Variants in NTRK3 observed in about 807,000 individuals in gnomAD.
NTRK3 encodes neurotrophic receptor tyrosine kinase 3.
NTRK3 carries 24 observed loss-of-function variants against 91.7 expected under a neutral mutation model. The ratio of observed to expected loss-of-function variants is 0.26; its 90% CI spans 0.19 to 0.37. The LOEUF (loss-of-function observed/expected upper bound fraction) is 0.37. Ranked by LOEUF, NTRK3 falls within the 10% of genes least tolerant of loss-of-function variation. The pLI is 1.00. For missense variants in NTRK3, 880 were observed against 1,068.9 expected (o/e 0.82, Z 2.46); for synonymous variants, 483 against 404.0 (o/e 1.20, Z -2.34).
exon 19 of NTRK3, chr15:87,865,613 T>A: frequency 4.6e-6 from 1 of 217,818 alleles, no homozygotes; most frequent in Non-Finnish European, 9.2e-6. Flanking sequence ...GAAAAATTAG[T>A]TATACCACCA....
intron 14 of NTRK3, among the ~76,000 whole-genome samples, chr15:87,947,917 A>C (rs532345382): frequency 5.8e-4 from 88 of 152,230 alleles, no homozygotes; most frequent in African/African-American, 1.9e-3. Flanking sequence ...AGGAGGGAGA[A>C]AGAGGGCCAG....
At chr15:88,231,937 A>T (rs1156406866) in intron 3 of NTRK3, among the ~76,000 whole-genome samples, 1 of 152,068 alleles carries the variant, frequency 6.6e-6, no homozygotes, top group African/African-American at 2.4e-5. Flanking sequence ...TTTTTGAGCC[A>T]TTTGAACTTT....
chr15:87,984,635 T>C (rs1024251324), intron 14 of NTRK3, among the ~76,000 whole-genome samples: 1 of 152,240 alleles, frequency 6.6e-6, no homozygotes. Flanking sequence ...TATGGCCTTA[T>C]GATGTGCCTT....
chr15:88,222,794 T>C (rs745469232), intron 3 of NTRK3, among the ~76,000 whole-genome samples: 3 of 152,188 alleles, frequency 2.0e-5, no homozygotes, highest in Non-Finnish European at 2.9e-5. Context: ...CTTGGAATTC[T>C]CACAATCACC....
chr15:87,895,814 A>G (rs150108754), intron 17 of NTRK3, among the ~76,000 whole-genome samples: 2 of 149,298 alleles, frequency 1.3e-5, no homozygotes, highest in East Asian at 3.9e-4. Context: ...TTATTTATTT[A>G]TTTATTTATT....
chr15:87,952,300 C>A (rs182389469), intron 14 of NTRK3, among the ~76,000 whole-genome samples: 1 of 152,150 alleles, frequency 6.6e-6, no homozygotes, highest in Non-Finnish European at 1.5e-5. Context: ...AAAGACTCCT[C>A]TTTCCTCTTC....
intron 13 of NTRK3, among the ~76,000 whole-genome samples, chr15:88,095,743 G>C (rs370323543): frequency 1.3e-5 from 2 of 152,272 alleles, no homozygotes; most frequent in East Asian, 1.9e-4. Flanking sequence ...GATGAGGTAG[G>C]GCGTAAAGGT....
intron 14 of NTRK3, among the ~76,000 whole-genome samples, chr15:88,024,278 G>A (rs1234153313): frequency 1.3e-5 from 2 of 152,214 alleles, no homozygotes; most frequent in South Asian, 2.1e-4. Context: ...TTGCCTTGTG[G>A]GCTGATATGT....
At chr15:88,146,113 C>T (rs143156585) in intron 6 of NTRK3, among the ~76,000 whole-genome samples, 121 of 152,262 alleles carry the variant, frequency 7.9e-4, no homozygotes, top group African/African-American at 2.8e-3. Context: ...TGGCACAATG[C>T]CTGGCACAGA....
chr15:88,077,661 A>G (rs2047671613), intron 13 of NTRK3, among the ~76,000 whole-genome samples: 1 of 152,160 alleles, frequency 6.6e-6, no homozygotes, highest in African/African-American at 2.4e-5. Context: ...CAGTAGGGGT[A>G]CTCAACAAAT....
chr15:87,953,826 A>G (rs1410434148), intron 14 of NTRK3, among the ~76,000 whole-genome samples: 3 of 152,024 alleles, frequency 2.0e-5, no homozygotes, highest in African/African-American at 7.2e-5. Flanking sequence ...ACATCTACAC[A>G]TTGTCTGCAG....
intron 13 of NTRK3, among the ~76,000 whole-genome samples, chr15:88,041,657 G>A (rs545369509): frequency 6.6e-5 from 10 of 152,248 alleles, no homozygotes; most frequent in East Asian, 1.9e-4. Context: ...AACACCTGGC[G>A]CAGCCATGGT....
rs1046077541 is a variant in NTRK3, at chr15:88,141,262, A to T, written c.465-3701T>A. Among the ~76,000 whole-genome samples, 6 of 152,318 alleles carry T rather than the reference A, an allele frequency of 3.9e-5. No homozygotes were observed. The South Asian group carries it at 6.2e-4, about 16-fold the overall frequency. ...AGGTAGACAGGAAAAAATGAGACGA[A>T]CATAATAGACATTATAGGATCATAA... On this transcript the variant is annotated intron_variant, in intron 6 of 18. Coordinates refer to ENST00000394480, the Ensembl canonical transcript of NTRK3.
At chr15:88,043,994 C>T (rs1460643856) in intron 13 of NTRK3, among the ~76,000 whole-genome samples, 1 of 152,020 alleles carries the variant, frequency 6.6e-6, no homozygotes, top group East Asian at 1.9e-4. Context: ...ATATTGTCAC[C>T]CCCAGAAAAG....
At chr15:87,937,052 C>A (rs1200935639) in intron 15 of NTRK3, among the ~76,000 whole-genome samples, 3 of 152,226 alleles carry the variant, frequency 2.0e-5, no homozygotes, top group Non-Finnish European at 4.4e-5. Flanking sequence ...TGCCCCAGGG[C>A]CTTTGCTCCT....
At chr15:88,017,799 A>C (rs1228879731) in intron 14 of NTRK3, among the ~76,000 whole-genome samples, 2 of 152,196 alleles carry the variant, frequency 1.3e-5, no homozygotes, top group Non-Finnish European at 2.9e-5. Context: ...ACAAATCCCC[A>C]CAAATCCCCA....
chr15:88,178,544 C>T (rs1327372833), intron 5 of NTRK3, among the ~76,000 whole-genome samples: 2 of 152,166 alleles, frequency 1.3e-5, no homozygotes, highest in Non-Finnish European at 2.9e-5. Context: ...TGCACGTTTG[C>T]TTCCAAAAGG....
chr15:88,061,952 T>C (rs1183215363), intron 13 of NTRK3, among the ~76,000 whole-genome samples: 1 of 152,186 alleles, frequency 6.6e-6, no homozygotes, highest in East Asian at 1.9e-4. Context: ...GGGTTCCACA[T>C]CTGCAGATTC....
chr15:87,961,418 A>T (rs1397964888), intron 14 of NTRK3, among the ~76,000 whole-genome samples: 1 of 152,170 alleles, frequency 6.6e-6, no homozygotes, highest in Non-Finnish European at 1.5e-5. Flanking sequence ...ATCTGGAGAC[A>T]CTCCTTCTAG....
Sources: gnomAD v4.1 joint callset for allele counts (sites outside exome capture counted in the v4.1 genomes callset) on GRCh38, gnomAD v4.1.1 for gene constraint, MANE v1.5 for transcripts, NCBI Gene and HGNC (gene_info 2026-07-23, HGNC 2026-07-21) for gene names.